The following SRSF10 variants were observed in gnomAD, a reference collection of about 807,000 sequenced individuals.
SRSF10 encodes the protein serine/arginine-rich splicing factor 10.
Under a neutral mutation model 32.6 loss-of-function variants are expected in SRSF10, and 9 were observed. The ratio of observed to expected loss-of-function variants is 0.28; its 90% CI spans 0.17 to 0.48. The LOEUF is 0.48. Ranked by LOEUF, SRSF10 falls within the 20% of genes least tolerant of loss-of-function variation. SRSF10 has a pLI of 0.99. For synonymous variants in SRSF10, 105 were observed against 112.4 expected (o/e 0.93, Z 0.42); for missense variants, 201 against 331.8 (o/e 0.61, Z 3.06).
chr1:23,979,994 G>C (rs1642362353), intron 1 of SRSF10, among the ~76,000 whole-genome samples, 197 bp downstream of exon 1: 1 of 152,224 alleles, frequency 6.6e-6, no homozygotes, highest in African/African-American at 2.4e-5. Context: ...ACGCGGCCCG[G>C]CGAAGGCAGA....
In SRSF10 at chr1:23,970,137, T is replaced by C; in HGVS notation, c.*1005A>G. ...ATAACTACATAAGAATATTCCTTTT[T>C]CCTTAAAATTATTTTTGCCATCAAC... On this transcript the variant is annotated 3_prime_UTR_variant, in exon 6 of 6. Coordinates refer to ENST00000492112, the MANE Select transcript of SRSF10 (RefSeq NM_054016.4). 1.0e-6 allele frequency: 1 copy of C among 985,394 alleles called. No homozygotes were observed. Among genetic ancestry groups the C allele is most frequent in the Non-Finnish European group, 1.2e-6 (1 of 829,904 alleles). The allele number at this position is 985,394 out of a possible 1,614,324, so 61.0% of individuals were successfully genotyped here.
Position 23,971,234 on chromosome 1 carries a change from G to A in SRSF10, c.697C>T (p.Pro233Ser), listed in dbSNP as rs1191395291. 5.1e-5 allele frequency: 83 copies of A among 1,613,970 alleles called. No individual in the cohort carries two copies. Among genetic ancestry groups the A allele is most frequent in the Non-Finnish European group, 6.8e-5 (80 of 1,179,992 alleles). The change falls in exon 6 of 6, where the codon CCT (proline) becomes TCT (serine). Residue 233 changes from proline to serine, a missense_variant. Pro to Ser is a moderately conservative substitution (Grantham distance 74, BLOSUM62 -1). Around this residue, in one of 3 missense-constraint regions of SRSF10, gnomAD observed 159 missense variants for 196.7 expected, o/e 0.81. Coordinates refer to ENST00000492112, the MANE Select transcript of SRSF10 (RefSeq NM_054016.4). ...GATCTTGACTGAGATTTGGATCTAG[G>A]TGGTTCTTTTTTCCTTGATTCCTTT... ...YEKESRKKEP[P>S]RSKSQSRSQS...
At position 23,970,024 on chromosome 1, in the gene SRSF10, C is replaced by T. The variant is rs1441168960; in HGVS notation, c.*1118G>A. The T allele has an allele frequency of 2.0e-6, 2 of 985,294 alleles. No individual in the cohort carries two copies. Among genetic ancestry groups the T allele is most frequent in the African/African-American group, 3.5e-5 (2 of 57,250 alleles). The allele number at this position is 985,294 out of a possible 1,614,324, so 61.0% of individuals were successfully genotyped here. On this transcript the variant is annotated 3_prime_UTR_variant, in exon 6 of 6. Transcript: ENST00000492112. ...TTCTTTTACACTAGGCACACACACACAAAACCTACTTTGAAACAATTTACT... is the reference window on the plus strand; with the variant it reads ...TTCTTTTACACTAGGCACACACACATAAAACCTACTTTGAAACAATTTACT...
At chr1:23,971,464 A>G in intron 5 of SRSF10, 25 bp from the exon 6 acceptor site, 1 of 1,592,670 alleles carries the variant, frequency 6.3e-7, no homozygotes, top group Non-Finnish European at 8.5e-7. Flanking sequence ...GAGAGATATA[A>G]TTAGAGTAAA....
At chr1:23,980,000 G>A (rs1316365384) in intron 1 of SRSF10, among the ~76,000 whole-genome samples, 191 bp downstream of exon 1, 2 of 152,238 alleles carry the variant, frequency 1.3e-5, no homozygotes, top group Non-Finnish European at 2.9e-5. Context: ...CCCGGCGAAG[G>A]CAGAGGCGCC....
chr1:23,973,567 C>G (rs796419569), intron 3 of SRSF10, among the ~76,000 whole-genome samples: 1 of 152,108 alleles, frequency 6.6e-6, no homozygotes. Context: ...GCAATTCTCC[C>G]GCCTAGGCCT....
chr1:23,974,185 G>T (rs7417772), intron 3 of SRSF10, among the ~76,000 whole-genome samples: 62,743 of 151,718 alleles, frequency 0.41, 14,279 homozygotes, highest in East Asian at 0.56. Context: ...TATAGACGGG[G>T]TTTTACCATG....
At position 23,967,960 on chromosome 1, in the gene SRSF10, CAA is replaced by C. The variant is rs36002299; in HGVS notation, c.*3180_*3181del. 0.056 allele frequency: 75,801 copies of C among 1,351,236 alleles called. No individual in the cohort carries two copies. The highest frequency in any genetic ancestry group is 0.086 in the East Asian group (3,054 of 35,352). 83.7% of individuals were successfully genotyped at this position (1,351,236 alleles called of 1,614,324 possible). ...ATTTTTCTTCTTGCTTACTTGGCTT[CAA>C]AAAAAAAAAAAAAATGCAGAGAGAT... On this transcript the variant is annotated 3_prime_UTR_variant, in exon 6 of 6. Coordinates refer to ENST00000492112, the MANE Select transcript of SRSF10 (RefSeq NM_054016.4).
At position 23,970,438 on chromosome 1, in the gene SRSF10, G is replaced by C; in HGVS notation, c.*704C>G. 7.6e-6 allele frequency: 6 copies of C among 790,662 alleles called. No individual in the cohort carries two copies. The highest frequency in any genetic ancestry group is 9.1e-6 in the Non-Finnish European group (6 of 657,558). The allele number at this position is 790,662 out of a possible 1,614,324, so 49.0% of individuals were successfully genotyped here. The stretch of plus-strand genomic sequence containing the variant: ...TGCAGTGGCGTGATTTTGGCTCACT[G>C]CAACTTCTACCTCCCAGGTTCAAGC... On this transcript the variant is annotated 3_prime_UTR_variant, in exon 6 of 6. Coordinates refer to ENST00000492112, the MANE Select transcript of SRSF10 (RefSeq NM_054016.4).
At position 23,970,609 on chromosome 1, in the gene SRSF10, T is replaced by G. The variant is rs1405003212; in HGVS notation, c.*533A>C. On this transcript the variant is annotated 3_prime_UTR_variant, in exon 6 of 6. Transcript: ENST00000492112. ...CTCCTGACCTCGTGATCCGCCCGCCTCGGCCTCCCAAAGTGCTGGGATTAC... is the reference window on the plus strand; with the variant it reads ...CTCCTGACCTCGTGATCCGCCCGCCGCGGCCTCCCAAAGTGCTGGGATTAC... 1.1e-6 allele frequency: 1 copy of G among 924,600 alleles called. No homozygotes were observed. Among genetic ancestry groups the G allele is most frequent in the African/African-American group, 1.8e-5 (1 of 56,004 alleles). 57.3% of individuals were successfully genotyped at this position (924,600 alleles called of 1,614,324 possible).
At position 23,970,108 on chromosome 1, in the gene SRSF10, T is replaced by TAGAATA; in HGVS notation, c.*1028_*1033dup. 1 of 985,418 alleles carries TAGAATA rather than the reference T, an allele frequency of 1.0e-6. No individual in the cohort carries two copies. The highest frequency in any genetic ancestry group is 1.2e-6 in the Non-Finnish European group (1 of 829,904). The allele number at this position is 985,418 out of a possible 1,614,324, so 61.0% of individuals were successfully genotyped here. A position where few individuals can be genotyped will look rare whatever the true frequency, so the allele number is the denominator to read the frequency against. On this transcript the variant is annotated 3_prime_UTR_variant, in exon 6 of 6. Transcript: ENST00000492112. ...ATGGTCAACAACGCTCCTTAAACTT[T>TAGAATA]AGAATAACTACATAAGAATATTCCT...
At position 23,966,897 on chromosome 1, in the gene SRSF10, T is replaced by A. The variant is rs1351813522; in HGVS notation, c.*4245A>T. The A allele has an allele frequency of 2.0e-5, 3 of 152,104 alleles. No homozygotes were observed. The highest frequency in any genetic ancestry group is 4.4e-5 in the Non-Finnish European group (3 of 67,936). 9.4% of individuals were successfully genotyped at this position (152,104 alleles called of 1,614,324 possible). A position where few individuals can be genotyped will look rare whatever the true frequency, so the allele number is the denominator to read the frequency against. On this transcript the variant is annotated 3_prime_UTR_variant, in exon 6 of 6. Transcript: ENST00000492112. ...ACATTGATACGAATGGTGTAAAATATTGTTATGAATAACACACCTCAAACA... is the reference window on the plus strand; with the variant it reads ...ACATTGATACGAATGGTGTAAAATAATGTTATGAATAACACACCTCAAACA...
intron 2 of SRSF10, chr1:23,977,447 C>T (rs1331722669): frequency 1.6e-4 from 25 of 152,278 alleles, no homozygotes; most frequent in Admixed American, 1.6e-3. Flanking sequence ...CAGCAGTCTT[C>T]ACAGGGCTAA....
rs904226455 is a variant in SRSF10 at position 23,968,837 on chromosome 1, C to T, written c.*2305G>A. 6.6e-6 allele frequency among the ~76,000 whole-genome samples: 1 copy of T among 152,116 alleles called. No homozygotes were observed. The highest frequency in any genetic ancestry group is 2.4e-5 in the African/African-American group (1 of 41,428). On this transcript the variant is annotated 3_prime_UTR_variant, in exon 6 of 6. Transcript: ENST00000492112. ...TTTCATCTTAACACTACCAAATAAC[C>T]TCTTAAGTTAGTTAACCCAAGAGGC...
chr1:23,979,054 C>CG (rs1553149947), intron 1 of SRSF10: 1 of 44,806 alleles, frequency 2.2e-5, no homozygotes, highest in African/African-American at 8.3e-5. Context: ...GTATATAAGC[C>CG]TTGTTTTTTT....
At chr1:23,976,970 C>T (rs1482050936) in intron 2 of SRSF10, 2 of 151,922 alleles carry the variant, frequency 1.3e-5, no homozygotes, top group Non-Finnish European at 2.9e-5. Flanking sequence ...ATCACACACT[C>T]TTGAATCAAA....
At chr1:23,973,618 C>A (rs1641904179) in intron 3 of SRSF10, among the ~76,000 whole-genome samples, 1 of 152,050 alleles carries the variant, frequency 6.6e-6, no homozygotes, top group Non-Finnish European at 1.5e-5. Context: ...ACCACACCCA[C>A]ATATTTTACA....
At chr1:23,978,355 A>G (rs1642210578) in intron 2 of SRSF10, 1 of 966,670 alleles carries the variant, frequency 1.0e-6, no homozygotes, top group African/African-American at 1.8e-5. Flanking sequence ...GTTTTTGATC[A>G]AGTGATTCAA....
chr1:23,979,499 G>A (rs1042472573), intron 1 of SRSF10, among the ~76,000 whole-genome samples: 1 of 152,168 alleles, frequency 6.6e-6, no homozygotes, highest in Non-Finnish European at 1.5e-5. Context: ...CAAGGGAATG[G>A]TGAGAACAAA....
Sources: gnomAD v4.1 joint callset for allele counts (sites outside exome capture counted in the v4.1 genomes callset) on GRCh38, gnomAD v4.1.1 for gene constraint, gnomAD v4.1.1 regional missense constraint, MANE v1.5 for transcripts, NCBI Gene and HGNC (gene_info 2026-07-23, HGNC 2026-07-21) for gene names.